Variants in CHP1 observed in about 807,000 individuals in gnomAD.
CHP1 encodes calcineurin like EF-hand protein 1.
Under a neutral mutation model 27.4 loss-of-function variants are expected in CHP1, and 11 were observed. That is an observed-to-expected ratio of 0.40 (90% CI 0.25 to 0.67). The LOEUF (loss-of-function observed/expected upper bound fraction) is 0.67, where lower values mean the gene tolerates loss of function less well. CHP1 is among the 30% of genes least tolerant of loss of function. The pLI, the probability that CHP1 is intolerant of heterozygous loss-of-function variation, is 0.38. For synonymous variants in CHP1, 89 were observed against 87.4 expected (o/e 1.02, Z -0.10); for missense variants, 169 against 251.3 (o/e 0.67, Z 2.22).
At chr15:41,273,052 G>A (rs920032257) in intron 5 of CHP1, among the ~76,000 whole-genome samples, 38 of 150,896 alleles carry the variant, frequency 2.5e-4, no homozygotes, top group Admixed American at 1.2e-3. Context: ...GCGAGACTCC[G>A]TCTCAAAAAA....
intron 2 of CHP1, among the ~76,000 whole-genome samples, chr15:41,251,525 C>T (rs2047366573): frequency 6.6e-6 from 1 of 152,194 alleles, no homozygotes; most frequent in Non-Finnish European, 1.5e-5. Context: ...AACCGGGCTA[C>T]ACAGCAGGAG....
At chr15:41,266,755 A>T (rs1449422943) in intron 4 of CHP1, among the ~76,000 whole-genome samples, 1 of 152,186 alleles carries the variant, frequency 6.6e-6, no homozygotes, top group African/African-American at 2.4e-5. Context: ...TAATCCCAGC[A>T]TTTTGGGAGG....
intron 5 of CHP1, among the ~76,000 whole-genome samples, chr15:41,277,437 A>C (rs2047524668): frequency 6.6e-6 from 1 of 152,170 alleles, no homozygotes; most frequent in Non-Finnish European, 1.5e-5. Flanking sequence ...TGAGCCCAGG[A>C]GTTGAAGGCC....
chr15:41,253,559 A>T (rs1186690521), intron 2 of CHP1, among the ~76,000 whole-genome samples: 1 of 151,512 alleles, frequency 6.6e-6, no homozygotes, highest in East Asian at 1.9e-4. Context: ...GGTTCATGCC[A>T]TTCTCCTGCC....
chr15:41,277,626 A>G (rs1426955525), intron 5 of CHP1, among the ~76,000 whole-genome samples: 2 of 152,074 alleles, frequency 1.3e-5, no homozygotes, highest in Non-Finnish European at 1.5e-5. Flanking sequence ...CATCTCTACT[A>G]AAAATACAAA....
chr15:41,272,484 C>T (rs1022945005), intron 5 of CHP1: 2 of 152,012 alleles, frequency 1.3e-5, no homozygotes, highest in African/African-American at 4.8e-5. Flanking sequence ...TGAATATCAC[C>T]ATCTCAGCTC....
Position 41,278,905 on chromosome 15 carries a change from CTTG to C in CHP1, c.534+19_534+21del. 1 of 1,613,686 alleles carries C rather than the reference CTTG, an allele frequency of 6.2e-7. No homozygotes were observed. The highest frequency in any genetic ancestry group is 8.5e-7 in the Non-Finnish European group (1 of 1,179,822). On this transcript the variant is annotated intron_variant, in intron 6 of 6. Coordinates refer to ENST00000334660, the MANE Select transcript of CHP1 (RefSeq NM_007236.5). ...ATTTGTTAAGGTTGGTCACTTACTT[CTTG>C]TTTGAAAAAGTTACGTTTTAGTGGC...
chr15:41,281,779 T>C lies in CHP1; in HGVS notation c.*2390T>C, dbSNP rs896767942. 7 of 152,604 alleles carry C rather than the reference T, an allele frequency of 4.6e-5. No homozygotes were observed. Among genetic ancestry groups the C allele is most frequent in the Non-Finnish European group, 8.8e-5 (6 of 68,038 alleles). 9.5% of individuals were successfully genotyped at this position (152,604 alleles called of 1,614,324 possible). On this transcript the variant is annotated 3_prime_UTR_variant, in exon 7 of 7. Transcript: ENST00000334660. ...ATAAAGTTCCTAAGGTTATAGATTT[T>C]CCCCCCTTTTGGCTGTATAGCAAAG...
At chr15:41,265,340 G>A (rs2047454554) in intron 4 of CHP1, among the ~76,000 whole-genome samples, 1 of 130,246 alleles carries the variant, frequency 7.7e-6, no homozygotes, top group Non-Finnish European at 1.6e-5. Flanking sequence ...CTCCAGCCTG[G>A]GTGATAGAGC....
At chr15:41,247,939 A>G (rs1433926636) in intron 2 of CHP1, among the ~76,000 whole-genome samples, 1 of 152,108 alleles carries the variant, frequency 6.6e-6, no homozygotes, top group Non-Finnish European at 1.5e-5. Flanking sequence ...ACCATACTCC[A>G]GCCTGGGCGA....
intron 2 of CHP1, among the ~76,000 whole-genome samples, chr15:41,245,723 A>C (rs994219171): frequency 1.3e-5 from 2 of 152,134 alleles, no homozygotes; most frequent in African/African-American, 4.8e-5. Context: ...TTGGACGTAT[A>C]CCTAGGAGTG....
At chr15:41,245,635 A>T (rs1238314540) in intron 2 of CHP1, among the ~76,000 whole-genome samples, 1 of 152,182 alleles carries the variant, frequency 6.6e-6, no homozygotes, top group Non-Finnish European at 1.5e-5. Flanking sequence ...GTTAGTAAAC[A>T]TTTGAGTTTA....
intron 6 of CHP1, 125 bp from the exon 7 acceptor site, chr15:41,279,211 A>C (rs1196782305): frequency 5.8e-6 from 1 of 171,566 alleles, no homozygotes; most frequent in Non-Finnish European, 1.1e-5. Flanking sequence ...CTCTGCCTCC[A>C]AAAAAAAAAA....
At chr15:41,247,948 G>A (rs1393967082) in intron 2 of CHP1, among the ~76,000 whole-genome samples, 1 of 151,690 alleles carries the variant, frequency 6.6e-6, no homozygotes, top group South Asian at 2.1e-4. Flanking sequence ...CAGCCTGGGC[G>A]ACAGAGCAAG....
At chr15:41,241,623 C>T (rs1029108955) in intron 1 of CHP1, among the ~76,000 whole-genome samples, 9 of 152,190 alleles carry the variant, frequency 5.9e-5, no homozygotes, top group Non-Finnish European at 1.3e-4. Context: ...GGCTCTGCCC[C>T]GATGGAAATG....
intron 1 of CHP1, 40 bp from the exon 2 acceptor site, chr15:41,243,627 G>A: frequency 1.3e-6 from 2 of 1,580,260 alleles, no homozygotes; most frequent in Non-Finnish European, 1.7e-6. Context: ...GTGAATGAGG[G>A]CTACTTCCCC....
At chr15:41,234,309 A>C (rs1361471071) in intron 1 of CHP1, 1 of 152,156 alleles carries the variant, frequency 6.6e-6, no homozygotes, top group Non-Finnish European at 1.5e-5. Flanking sequence ...ATTTTGAAGA[A>C]TAAAAACGGA....
chr15:41,236,782 A>G (rs1202197331), intron 1 of CHP1, among the ~76,000 whole-genome samples: 1 of 152,060 alleles, frequency 6.6e-6, no homozygotes, highest in Non-Finnish European at 1.5e-5. Flanking sequence ...TTACGTAACA[A>G]CAATACTATT....
chr15:41,257,108 T>G, intron 3 of CHP1, 118 bp downstream of exon 3: 2 of 705,242 alleles, frequency 2.8e-6, no homozygotes, highest in Non-Finnish European at 2.4e-6. Context: ...CCTGATTATA[T>G]TGAGCAATTC....
Sources: gnomAD v4.1 joint callset for allele counts (sites outside exome capture counted in the v4.1 genomes callset) on GRCh38, gnomAD v4.1.1 for gene constraint, MANE v1.5 for transcripts, NCBI Gene and HGNC (gene_info 2026-07-23, HGNC 2026-07-21) for gene names.